SLC12A3: variants seen among roughly 807,000 people sequenced by gnomAD.
SLC12A3 encodes the protein Na-Cl cotransporter.
Under a neutral mutation model 121.0 loss-of-function variants are expected in SLC12A3, and 104 were observed. The ratio of observed to expected loss-of-function variants is 0.86; its 90% CI spans 0.73 to 1.01. SLC12A3 has a LOEUF of 1.01. Ranked by LOEUF, SLC12A3 falls within the 50% of genes least tolerant of loss-of-function variation. The probability of loss-of-function intolerance (pLI) is 0.00; values close to 1 mark genes in which losing one functional copy is unlikely to be tolerated. For missense variants in SLC12A3, 1,328 were observed against 1,356.3 expected, an observed-to-expected ratio of 0.98 and a Z score of 0.33; for synonymous variants, 536 against 533.4, an observed-to-expected ratio of 1.00 and a Z score of -0.07.
intron 18 of SLC12A3, among the ~76,000 whole-genome samples, chr16:56,888,699 C>T (rs2055351538): frequency 6.6e-6 from 1 of 151,822 alleles, no homozygotes; most frequent in African/African-American, 2.4e-5. Flanking sequence ...GCTGGGACTA[C>T]AGGCGCCCGC....
rs747383768 is a variant in SLC12A3 at position 56,899,555 on chromosome 16, C to T, written c.2659C>T (p.Arg887Ter). Residue 887 changes from arginine (R) to a stop codon, truncating the protein, a stop_gained, in exon 23 of 26, where the codon CGA becomes TGA. Coordinates refer to ENST00000563236, the MANE Select transcript of SLC12A3 (RefSeq NM_001126108.2). LOFTEE classifies it high-confidence loss of function. ...GATCATTTCTCTGCTGAGCAAGTTC[C>T]GACTGGGATTCCATGAAGTCCACAT... Reference protein sequence around the residue: ...KAIISLLSKFRLGFHEVHILP... With the variant: ...KAIISLLSKF The T allele has an allele frequency of 1.7e-5, 27 of 1,613,982 alleles. No homozygotes were observed. The highest frequency in any genetic ancestry group is 2.2e-5 in the East Asian group (1 of 44,888).
intron 9 of SLC12A3, 31 bp downstream of exon 9, chr16:56,878,192 G>A: frequency 6.5e-7 from 1 of 1,526,912 alleles, no homozygotes. Flanking sequence ...GTCAGGAGGG[G>A]GAGGGACCTG....
chr16:56,901,668 G>A (rs1051266777), intron 23 of SLC12A3, among the ~76,000 whole-genome samples: 8 of 150,096 alleles, frequency 5.3e-5, no homozygotes, highest in African/African-American at 2.0e-4. Flanking sequence ...CTTTAATGAT[G>A]TGAGTCACAT....
At chr16:56,885,882 C>T (rs777286973) in intron 15 of SLC12A3, among the ~76,000 whole-genome samples, 5 of 152,208 alleles carry the variant, frequency 3.3e-5, no homozygotes, top group African/African-American at 1.2e-4. Flanking sequence ...CCCAAGAACA[C>T]TGAGGCACAG....
At chr16:56,877,203 C>T (rs1440098158) in intron 8 of SLC12A3, among the ~76,000 whole-genome samples, 1 of 152,060 alleles carries the variant, frequency 6.6e-6, no homozygotes, top group Non-Finnish European at 1.5e-5. Flanking sequence ...ACCAGCCTGG[C>T]TATCATGGTG....
At chr16:56,904,281 G>A (rs746697134) in intron 24 of SLC12A3, 114 bp from the exon 25 acceptor site, 1 of 998,000 alleles carries the variant, frequency 1.0e-6, no homozygotes. Flanking sequence ...AGGCAGCAGA[G>A]TCTACAAGTA....
intron 8 of SLC12A3, among the ~76,000 whole-genome samples, chr16:56,873,325 C>T (rs1262610461): frequency 1.3e-5 from 2 of 151,606 alleles, no homozygotes; most frequent in African/African-American, 4.8e-5. Flanking sequence ...CCTGCAACTC[C>T]GTACGCTTGC....
Position 56,913,837 on chromosome 16 carries a change from C to G in SLC12A3, c.*432C>G, listed in dbSNP as rs1238154976. The G allele has an allele frequency of 3.4e-6, 1 of 292,270 alleles. No homozygotes were observed. The highest frequency in any genetic ancestry group is 2.2e-5 in the African/African-American group (1 of 45,496). The allele number at this position is 292,270 out of a possible 1,614,324, so 18.1% of individuals were successfully genotyped here. On this transcript the variant is annotated 3_prime_UTR_variant, in exon 26 of 26. Coordinates refer to ENST00000563236, the MANE Select transcript of SLC12A3 (RefSeq NM_001126108.2). ...CTTCCTCCAATAGGAGAATGGGAGC[C>G]TCACCTGTAGGACCTACAGGCTCTC... is the stretch of plus-strand genomic sequence containing the variant.
At chr16:56,885,087 G>A (rs1054022347) in intron 14 of SLC12A3, among the ~76,000 whole-genome samples, 178 bp from the exon 15 acceptor site, 1 of 152,112 alleles carries the variant, frequency 6.6e-6, no homozygotes, top group Non-Finnish European at 1.5e-5. Flanking sequence ...ACTTTTCAAC[G>A]TGCAGCCACA....
Position 56,878,117 on chromosome 16 carries a change from T to A in SLC12A3, c.1136T>A (p.Ile379Asn). 2.7e-6 allele frequency: 4 copies of A among 1,485,020 alleles called. No individual in the cohort carries two copies. In the South Asian group the frequency reaches 4.5e-5, roughly 17 times the overall value. 92.0% of individuals were successfully genotyped at this position (1,485,020 alleles called of 1,614,324 possible). A position where few individuals can be genotyped will look rare whatever the true frequency, so the allele number is the denominator to read the frequency against. ...ATCCCCAAGGGGACCCTCATGGCCA[T>A]TTTCTGGACGACCATTTCCTACCTG... Reference protein sequence around the residue: ...IAIPKGTLMAIFWTTISYLAI... With the variant: ...IAIPKGTLMANFWTTISYLAI... Residue 379 changes from isoleucine to asparagine, a missense_variant, in exon 9 of 26, where the codon ATT becomes AAT. Coordinates refer to ENST00000563236, the MANE Select transcript of SLC12A3 (RefSeq NM_001126108.2).
chr16:56,890,126 G>T (rs2055368429), intron 18 of SLC12A3, 148 bp from the exon 19 acceptor site: 3 of 709,190 alleles, frequency 4.2e-6, no homozygotes, highest in Non-Finnish European at 7.7e-6. Context: ...TGCCTGTACA[G>T]GATACAGATG....
In SLC12A3 at chr16:56,868,285, C is replaced by T. The variant is rs759198908; in HGVS notation, c.430-12C>T. 22 of 1,613,626 alleles carry T rather than the reference C, an allele frequency of 1.4e-5. No homozygotes were observed. In the East Asian group the frequency reaches 3.8e-4, roughly 28 times the overall value. ...TCCACCCAGGTGGCCTCTGACCCCCCTGTCCTCCCAGATTCGTTGCATGCT... is the reference window on the plus strand; with the variant it reads ...TCCACCCAGGTGGCCTCTGACCCCCTTGTCCTCCCAGATTCGTTGCATGCT... On this transcript the variant is annotated splice_polypyrimidine_tract_variant and intron_variant, in intron 2 of 25. Transcript: ENST00000563236.
rs1419116978 is a variant in SLC12A3 at position 56,915,672 on chromosome 16, G to A, written c.*2267G>A. The A allele has an allele frequency of 6.6e-6, 1 of 152,190 alleles. No homozygotes were observed. Among genetic ancestry groups the A allele is most frequent in the Non-Finnish European group, 1.5e-5 (1 of 68,042 alleles). 9.4% of individuals were successfully genotyped at this position (152,190 alleles called of 1,614,324 possible). On this transcript the variant is annotated 3_prime_UTR_variant, in exon 26 of 26. Coordinates refer to ENST00000563236, the MANE Select transcript of SLC12A3 (RefSeq NM_001126108.2). ...ATTTTCTGGTTCTTCAAACCTCAAA[G>A]AGTCCTTGGTCCAAAAAACAGAATG...
chr16:56,880,735 A>G (rs1444582543), intron 12 of SLC12A3, among the ~76,000 whole-genome samples: 1 of 152,138 alleles, frequency 6.6e-6, no homozygotes, highest in African/African-American at 2.4e-5. Flanking sequence ...CTTGGGCTTC[A>G]AGGTGGTAGA....
At chr16:56,899,452 G>T in intron 22 of SLC12A3, 78 bp from the exon 23 acceptor site, 1 of 1,091,100 alleles carries the variant, frequency 9.2e-7, no homozygotes. Context: ...TTGCACCACT[G>T]CACTCCAGCC....
At chr16:56,884,310 G>A in intron 14 of SLC12A3, 106 bp downstream of exon 14, 2 of 1,185,042 alleles carry the variant, frequency 1.7e-6, no homozygotes, top group Non-Finnish European at 2.5e-6. Flanking sequence ...GCTCTGTGCT[G>A]TCCAGGGCCC....
chr16:56,904,457 C>A lies in SLC12A3; in HGVS notation c.2919C>A (p.Ile973=), dbSNP rs779473697. 1 of 1,613,666 alleles carries A rather than the reference C, an allele frequency of 6.2e-7. No individual in the cohort carries two copies. The highest frequency in any genetic ancestry group is 1.3e-5 in the African/African-American group (1 of 75,046). Residue 973 remains isoleucine (I), a synonymous_variant, in exon 25 of 26, where the codon ATC becomes ATA. Coordinates refer to ENST00000563236, the MANE Select transcript of SLC12A3 (RefSeq NM_001126108.2). ...ATTACTCCCGAGACGCTGCTCTCATCGTCATGTAAGTAGTGCCCGGCTGGT... is the reference window on the plus strand; with the variant it reads ...ATTACTCCCGAGACGCTGCTCTCATAGTCATGTAAGTAGTGCCCGGCTGGT... ...VLDYSRDAAL[I]VITLPIGRKG...
At chr16:56,871,966 G>C (rs1241997208) in intron 6 of SLC12A3, among the ~76,000 whole-genome samples, 6 of 151,886 alleles carry the variant, frequency 4.0e-5, no homozygotes, top group Non-Finnish European at 1.5e-5. Context: ...CAGGTGATCC[G>C]CCCACCTCGG....
chr16:56,876,536 A>C (rs1268535464), intron 8 of SLC12A3, among the ~76,000 whole-genome samples: 4 of 152,168 alleles, frequency 2.6e-5, no homozygotes, highest in Admixed American at 2.6e-4. Flanking sequence ...CGAGGCAGGG[A>C]GAAGAAATTC....
Sources: gnomAD v4.1 joint callset for allele counts (sites outside exome capture counted in the v4.1 genomes callset) on GRCh38, gnomAD v4.1.1 for gene constraint, MANE v1.5 for transcripts, NCBI Gene and HGNC (gene_info 2026-07-23, HGNC 2026-07-21) for gene names.